Variants in RAB5B observed in about 807,000 individuals in gnomAD.
RAB5B encodes the protein ras-related protein Rab-5B.
In RAB5B, 11 loss-of-function variants were observed where a neutral mutation model predicts 28.6. The ratio of observed to expected loss-of-function variants is 0.38; its 90% CI spans 0.24 to 0.64. The LOEUF (loss-of-function observed/expected upper bound fraction) is 0.64. RAB5B is among the 30% of genes least tolerant of loss of function. The probability of loss-of-function intolerance (pLI) is 0.53; values close to 1 mark genes in which losing one functional copy is unlikely to be tolerated. For missense variants in RAB5B, 169 were observed against 265.6 expected, an observed-to-expected ratio of 0.64 and a Z score of 2.53; for synonymous variants, 93 against 97.9, an observed-to-expected ratio of 0.95 and a Z score of 0.29.
chr12:55,974,775 G>GT (rs2136466971), intron 1 of RAB5B, among the ~76,000 whole-genome samples: 1 of 152,270 alleles, frequency 6.6e-6, no homozygotes, highest in African/African-American at 2.4e-5. Flanking sequence ...GCAGGGCCTG[G>GT]TATCAGTTAT....
At position 55,990,696 on chromosome 12, in the gene RAB5B, A is replaced by T; in HGVS notation, c.330A>T (p.Arg110=). The T allele has an allele frequency of 6.2e-7, 1 of 1,613,862 alleles. No individual in the cohort carries two copies. The highest frequency in any genetic ancestry group is 1.1e-5 in the South Asian group (1 of 91,076). Residue 110 remains arginine, a synonymous_variant, in exon 4 of 6, where the codon CGA becomes CGT. Transcript: ENST00000360299. ...TGTTTTCCTAGGAAACCTTTGCCCG[A>T]GCAAAGACATGGGTGAAGGAACTAC... is the stretch of plus-strand genomic sequence containing the variant. ...YDITNQETFA[R]AKTWVKELQR...
intron 1 of RAB5B, among the ~76,000 whole-genome samples, chr12:55,982,547 G>A (rs897624190): frequency 1.3e-5 from 2 of 151,842 alleles, no homozygotes; most frequent in Non-Finnish European, 2.9e-5. Flanking sequence ...TCCTGCCTTG[G>A]CCTCCCAAAA....
At position 55,992,279 on chromosome 12, in the gene RAB5B, C is replaced by A; in HGVS notation, c.*67C>A. On this transcript the variant is annotated 3_prime_UTR_variant, in exon 6 of 6. Coordinates refer to ENST00000360299, the MANE Select transcript of RAB5B (RefSeq NM_002868.4). ...GCTAAGAAATAACCTCCATCCCTAC[C>A]CCTCAGCACACAACCCCTACGGTAA... 1 of 1,331,680 alleles carries A rather than the reference C, an allele frequency of 7.5e-7. No individual in the cohort carries two copies. Among genetic ancestry groups the A allele is most frequent in the South Asian group, 1.2e-5 (1 of 82,566 alleles). 82.5% of individuals were successfully genotyped at this position (1,331,680 alleles called of 1,614,324 possible). A position where few individuals can be genotyped will look rare whatever the true frequency, so the allele number is the denominator to read the frequency against.
intron 1 of RAB5B, among the ~76,000 whole-genome samples, chr12:55,984,163 G>A (rs916255940): frequency 2.7e-5 from 4 of 150,826 alleles, no homozygotes; most frequent in Non-Finnish European, 4.4e-5. Flanking sequence ...TACAAATGCC[G>A]GCCACCAACC....
At chr12:55,990,953 GA>G in intron 4 of RAB5B, 149 bp downstream of exon 4, 1 of 1,015,560 alleles carries the variant, frequency 9.8e-7, no homozygotes, top group Non-Finnish European at 1.4e-6. Context: ...GCAACACTGT[GA>G]CCCTAATGAC....
chr12:55,978,045 G>A (rs1889693294), intron 1 of RAB5B, among the ~76,000 whole-genome samples: 1 of 152,212 alleles, frequency 6.6e-6, no homozygotes, highest in Non-Finnish European at 1.5e-5. Context: ...CATATTGGGT[G>A]TGATTAGGCC....
rs770835155 is a variant in RAB5B, at chr12:55,987,136, G to A, written c.163+13G>A. ...AGCACCATTGGAGGTGAGTGCCTTGGGGTAATAGGAGATTGAATGTTTGGT... is the reference window on the plus strand; with the variant it reads ...AGCACCATTGGAGGTGAGTGCCTTGAGGTAATAGGAGATTGAATGTTTGGT... On this transcript the variant is annotated intron_variant, in intron 2 of 5. Coordinates refer to ENST00000360299, the MANE Select transcript of RAB5B (RefSeq NM_002868.4). 3 of 1,595,860 alleles carry A rather than the reference G, an allele frequency of 1.9e-6. No individual in the cohort carries two copies. The highest frequency in any genetic ancestry group is 2.2e-5 in the East Asian group (1 of 44,672).
In RAB5B at chr12:55,991,350, C is replaced by T; in HGVS notation, c.439-10C>T. Reference sequence around the variant, plus strand: ...ACATTCTGAGCACTAATACATCCCACTCCTTGCAGGAGGCCCAGGCATATG... The same window carrying T: ...ACATTCTGAGCACTAATACATCCCATTCCTTGCAGGAGGCCCAGGCATATG... On this transcript the variant is annotated splice_polypyrimidine_tract_variant and intron_variant, in intron 4 of 5. Coordinates refer to ENST00000360299, the MANE Select transcript of RAB5B (RefSeq NM_002868.4). 1.2e-6 allele frequency: 2 copies of T among 1,607,448 alleles called. No individual in the cohort carries two copies. The highest frequency in any genetic ancestry group is 2.2e-5 in the East Asian group (1 of 44,828).
At chr12:55,991,032 G>C (rs1890100020) in intron 4 of RAB5B, 1 of 557,668 alleles carries the variant, frequency 1.8e-6, no homozygotes, top group East Asian at 3.1e-5. Context: ...TACCAGCTGT[G>C]GGGGTACCAG....
chr12:55,996,003 A>ATATATATATATATTTTTTTTTT lies in RAB5B; in HGVS notation c.*3792_*3793insATATATATATATTTTTTTTTTT. The ATATATATATATATTTTTTTTTT allele has an allele frequency of 7.2e-5, 7 of 97,426 alleles. No individual in the cohort carries two copies. The highest frequency in any genetic ancestry group is 2.9e-4 in the South Asian group (1 of 3,508). The allele number at this position is 97,426 out of a possible 1,614,324, so 6.0% of individuals were successfully genotyped here. A position where few individuals can be genotyped will look rare whatever the true frequency, so the allele number is the denominator to read the frequency against. Reference sequence around the variant, plus strand: ...TATATACATATATATATATATATATATTTTTTTTTTAACAACTGGTAGGAT... The same window carrying ATATATATATATATTTTTTTTTT: ...TATATACATATATATATATATATATATATATATATATATTTTTTTTTTTTTTTTTTTTAACAACTGGTAGGAT... On this transcript the variant is annotated 3_prime_UTR_variant, in exon 6 of 6. Transcript: ENST00000360299.
In RAB5B at chr12:55,990,129, G is replaced by T. The variant is rs779774973; in HGVS notation, c.315+31G>T. 1.5e-5 allele frequency: 24 copies of T among 1,593,746 alleles called. No homozygotes were observed. In the South Asian group the frequency reaches 2.6e-4, roughly 17 times the overall value. ...TGAGCTAAGAAGACTGTCCTTGTTG[G>T]CTGGACATGGTGGCTTACGCCTATA... On this transcript the variant is annotated intron_variant, in intron 3 of 5. Coordinates refer to ENST00000360299, the MANE Select transcript of RAB5B (RefSeq NM_002868.4).
At chr12:55,989,339 A>G (rs1411573448) in intron 2 of RAB5B, among the ~76,000 whole-genome samples, 1 of 151,994 alleles carries the variant, frequency 6.6e-6, no homozygotes, top group Non-Finnish European at 1.5e-5. Flanking sequence ...CAGTGGCGCC[A>G]TCTTGGCTCA....
In RAB5B at chr12:55,994,284, T is replaced by C. The variant is rs1358548501; in HGVS notation, c.*2072T>C. 1 of 152,434 alleles carries C rather than the reference T, an allele frequency of 6.6e-6. No individual in the cohort carries two copies. Among genetic ancestry groups the C allele is most frequent in the Non-Finnish European group, 1.5e-5 (1 of 68,028 alleles). The allele number at this position is 152,434 out of a possible 1,614,324, so 9.4% of individuals were successfully genotyped here. A position where few individuals can be genotyped will look rare whatever the true frequency, so the allele number is the denominator to read the frequency against. On this transcript the variant is annotated 3_prime_UTR_variant, in exon 6 of 6. Coordinates refer to ENST00000360299, the MANE Select transcript of RAB5B (RefSeq NM_002868.4). Reference sequence around the variant, plus strand: ...ACTAGGATGGCTTTCCAAAGTCTTCTAGAAATGAAGTTCTTTCTCTGTGCA... The same window carrying C: ...ACTAGGATGGCTTTCCAAAGTCTTCCAGAAATGAAGTTCTTTCTCTGTGCA...
At chr12:55,989,639 T>C (rs1890050649) in intron 2 of RAB5B, among the ~76,000 whole-genome samples, 1 of 152,224 alleles carries the variant, frequency 6.6e-6, no homozygotes, top group African/African-American at 2.4e-5. Flanking sequence ...CTGTCATTTG[T>C]TATTCTCCTA....
intron 3 of RAB5B, chr12:55,990,368 A>G (rs1890076938): frequency 2.1e-6 from 1 of 476,442 alleles, no homozygotes; most frequent in Non-Finnish European, 3.8e-6. Context: ...AGATCGAGCC[A>G]CTGCACTCTA....
At position 55,993,109 on chromosome 12, in the gene RAB5B, A is replaced by T. The variant is rs1365227378; in HGVS notation, c.*897A>T. 6.5e-6 allele frequency: 1 copy of T among 153,812 alleles called. No homozygotes were observed. The highest frequency in any genetic ancestry group is 6.6e-5 in the Admixed American group (1 of 15,266). 9.5% of individuals were successfully genotyped at this position (153,812 alleles called of 1,614,324 possible). A position where few individuals can be genotyped will look rare whatever the true frequency, so the allele number is the denominator to read the frequency against. ...CTGGTACCCATCCTCTGATTTATAC[A>T]TATGCATTTTTTCCCCTCTGGCCTT... On this transcript the variant is annotated 3_prime_UTR_variant, in exon 6 of 6. Coordinates refer to ENST00000360299, the MANE Select transcript of RAB5B (RefSeq NM_002868.4).
chr12:55,991,826 C>A, intron 5 of RAB5B: 1 of 435,324 alleles, frequency 2.3e-6, no homozygotes, highest in Non-Finnish European at 4.2e-6. Context: ...ACTTGGGAGG[C>A]TGAGCCAGGA....
chr12:55,996,004 T>TATATA lies in RAB5B; in HGVS notation c.*3792_*3793insATATA, dbSNP rs1555197305. Reference sequence around the variant, plus strand: ...ATATACATATATATATATATATATATTTTTTTTTTAACAACTGGTAGGATA... The same window carrying TATATA: ...ATATACATATATATATATATATATATATATATTTTTTTTTAACAACTGGTAGGATA... On this transcript the variant is annotated 3_prime_UTR_variant, in exon 6 of 6. Transcript: ENST00000360299. 2.5e-5 allele frequency: 2 copies of TATATA among 79,876 alleles called. No individual in the cohort carries two copies. The highest frequency in any genetic ancestry group is 8.7e-5 in the African/African-American group (2 of 22,900). The allele number at this position is 79,876 out of a possible 1,614,324, so 4.9% of individuals were successfully genotyped here.
intron 2 of RAB5B, among the ~76,000 whole-genome samples, chr12:55,987,977 G>A (rs145099658): frequency 1.0e-3 from 158 of 152,030 alleles, no homozygotes; most frequent in African/African-American, 3.5e-3. Flanking sequence ...TGAAATCCCC[G>A]TCTCTACTAA....
Sources: gnomAD v4.1 joint callset for allele counts (sites outside exome capture counted in the v4.1 genomes callset) on GRCh38, gnomAD v4.1.1 for gene constraint, MANE v1.5 for transcripts, NCBI Gene and HGNC (gene_info 2026-07-23, HGNC 2026-07-21) for gene names.